ADTRP: variants seen among roughly 807,000 people sequenced by gnomAD.
ADTRP encodes the protein androgen dependent TFPI regulating protein, also known as androgen-dependent TFPI-regulating protein.
ADTRP carries 20 observed loss-of-function variants against 27.0 expected under a neutral mutation model. That is an observed-to-expected ratio of 0.74 (90% confidence interval 0.52 to 1.08). The LOEUF (loss-of-function observed/expected upper bound fraction) is 1.08, where lower values mean the gene tolerates loss of function less well. Ranked by LOEUF, ADTRP falls within the 50% of genes least tolerant of loss-of-function variation. The probability of loss-of-function intolerance (pLI) is 0.00; values close to 1 mark genes in which losing one functional copy is unlikely to be tolerated. For missense variants in ADTRP, 251 were observed against 275.0 expected, an observed-to-expected ratio of 0.91 and a Z score of 0.62; for synonymous variants, 101 against 105.2, an observed-to-expected ratio of 0.96 and a Z score of 0.25.
At chr6:11,750,216 G>A (rs1483146067) in intron 3 of ADTRP, among the ~76,000 whole-genome samples, 2 of 152,202 alleles carry the variant, frequency 1.3e-5, no homozygotes, top group Non-Finnish European at 2.9e-5. Context: ...TATACCCTGG[G>A]ACATTAGGCA....
intron 3 of ADTRP, among the ~76,000 whole-genome samples, chr6:11,764,920 AG>A (rs1763510968): frequency 6.7e-6 from 1 of 148,830 alleles, no homozygotes; most frequent in Non-Finnish European, 1.5e-5. Flanking sequence ...AAAAAAAAGC[AG>A]GAATATTCAC....
intron 5 of ADTRP, among the ~76,000 whole-genome samples, chr6:11,715,010 T>C (rs575286002): frequency 6.6e-6 from 1 of 152,334 alleles, no homozygotes; most frequent in East Asian, 1.9e-4. Flanking sequence ...GTAAGCTCAT[T>C]AGAGGGGCAT....
intron 5 of ADTRP, among the ~76,000 whole-genome samples, chr6:11,720,552 A>G (rs1392854489): frequency 6.6e-6 from 1 of 151,734 alleles, no homozygotes; most frequent in Non-Finnish European, 1.5e-5. Context: ...GCTCACTGCA[A>G]GCTCCGCCTC....
chr6:11,765,644 ATCC>A (rs1268177453), intron 3 of ADTRP, among the ~76,000 whole-genome samples: 1 of 152,088 alleles, frequency 6.6e-6, no homozygotes, highest in Non-Finnish European at 1.5e-5. Context: ...TGATTCAGTT[ATCC>A]TCCTCCAACC....
intron 3 of ADTRP, among the ~76,000 whole-genome samples, chr6:11,753,190 C>T (rs1763110293): frequency 6.6e-6 from 1 of 152,174 alleles, no homozygotes; most frequent in South Asian, 2.1e-4. Context: ...AGAAATTTTG[C>T]TCCTCCTCAC....
chr6:11,745,490 C>A (rs1044347801), intron 3 of ADTRP, among the ~76,000 whole-genome samples: 1 of 152,140 alleles, frequency 6.6e-6, no homozygotes, highest in Admixed American at 6.5e-5. Flanking sequence ...GTAGAGGAGG[C>A]TCTGAAAGTG....
Position 11,727,959 on chromosome 6 carries a change from CAGGGAGGGAGGGAGGTAGGTAGGG to C in ADTRP, c.507-4483_507-4460del, listed in dbSNP as rs1331180267. The stretch of plus-strand genomic sequence containing the variant: ...GACGGAAAGAAGGAAGGAAGGGAGG[CAGGGAGGGAGGGAGGTAGGTAGGG>C]AGGGAGGGAGGGAGGGAGGGAGGGA... On this transcript the variant is annotated intron_variant, in intron 4 of 5. Transcript: ENST00000414691. Among the ~76,000 whole-genome samples, 6 of 91,724 alleles carry C rather than the reference CAGGGAGGGAGGGAGGTAGGTAGGG, an allele frequency of 6.5e-5. No individual in the cohort carries two copies. In the Admixed American group the frequency reaches 6.5e-4, roughly 10 times the overall value. The allele number at this position is 91,724 out of a possible 152,430, so 60.2% of individuals were successfully genotyped here.
At chr6:11,748,602 T>C (rs1029640166) in intron 3 of ADTRP, among the ~76,000 whole-genome samples, 53 of 152,268 alleles carry the variant, frequency 3.5e-4, no homozygotes, top group African/African-American at 1.3e-3. Context: ...ATATGTGCTA[T>C]GAAGGAAAAC....
chr6:11,762,137 C>T lies in ADTRP; in HGVS notation c.390+4137G>A, dbSNP rs576766773. ...AGAAACTAGAAGATTTTAAGTTTTACTCCCTGGGCATTTTGACTTCCCAGC... is the reference window on the plus strand; with the variant it reads ...AGAAACTAGAAGATTTTAAGTTTTATTCCCTGGGCATTTTGACTTCCCAGC... On this transcript the variant is annotated intron_variant, in intron 3 of 5. Transcript: ENST00000414691. Among the ~76,000 whole-genome samples, 165 of 152,344 alleles carry T rather than the reference C, an allele frequency of 1.1e-3. 1 individual carries two copies. The highest frequency in any genetic ancestry group is 6.8e-3 in the Middle Eastern group (2 of 294).
At chr6:11,735,805 A>C in intron 3 of ADTRP, 122 bp from the exon 4 acceptor site, 1 of 690,932 alleles carries the variant, frequency 1.4e-6, no homozygotes, top group Non-Finnish European at 2.5e-6. Flanking sequence ...TTTCCAGGTC[A>C]TGCTCCCTAG....
At chr6:11,747,134 T>C (rs1234597066) in intron 3 of ADTRP, among the ~76,000 whole-genome samples, 2 of 152,196 alleles carry the variant, frequency 1.3e-5, no homozygotes, top group African/African-American at 2.4e-5. Flanking sequence ...GGCCAAGAAA[T>C]GTGGCTCACT....
At chr6:11,742,378 T>TA (rs1762747169) in intron 3 of ADTRP, among the ~76,000 whole-genome samples, 1 of 152,112 alleles carries the variant, frequency 6.6e-6, no homozygotes, top group Admixed American at 6.6e-5. Context: ...GACACCTTAC[T>TA]AAAAAAGCCC....
At chr6:11,775,465 G>A (rs886238293) in intron 1 of ADTRP, among the ~76,000 whole-genome samples, 2 of 151,960 alleles carry the variant, frequency 1.3e-5, no homozygotes, top group African/African-American at 4.8e-5. Context: ...TAAGCAGTGG[G>A]ACTGAGGTAC....
At chr6:11,714,623 C>A (rs746263056) in intron 5 of ADTRP, 111 bp from the exon 6 acceptor site, 98 of 1,255,214 alleles carry the variant, frequency 7.8e-5, no homozygotes, top group Non-Finnish European at 1.1e-4. Flanking sequence ...GTTGAACACA[C>A]TTTTCCCAAG....
chr6:11,743,956 G>A (rs1762791863), intron 3 of ADTRP, among the ~76,000 whole-genome samples: 1 of 152,162 alleles, frequency 6.6e-6, no homozygotes, highest in Non-Finnish European at 1.5e-5. Context: ...TTGGTGTTGG[G>A]AGTCAATACA....
At chr6:11,755,209 AC>A in intron 3 of ADTRP, 1 of 371,632 alleles carries the variant, frequency 2.7e-6, no homozygotes, top group Non-Finnish European at 3.7e-6. Flanking sequence ...AGACATCTAT[AC>A]TTTTTTGATC....
At chr6:11,746,937 T>C (rs1462703517) in intron 3 of ADTRP, among the ~76,000 whole-genome samples, 1 of 152,184 alleles carries the variant, frequency 6.6e-6, no homozygotes, top group Non-Finnish European at 1.5e-5. Context: ...AAGGTCAGCA[T>C]AGAGATGCTC....
At position 11,736,126 on chromosome 6, in the gene ADTRP, C is replaced by G. The variant is rs144887881; in HGVS notation, c.391-443G>C. 6.3e-3 allele frequency: 1,044 copies of G among 165,654 alleles called. 12 individuals carry two copies. Among genetic ancestry groups the G allele is most frequent in the South Asian group, 0.047 (314 of 6,632 alleles). The allele number at this position is 165,654 out of a possible 1,614,324, so 10.3% of individuals were successfully genotyped here. On this transcript the variant is annotated intron_variant, in intron 3 of 5. Coordinates refer to ENST00000414691, the MANE Select transcript of ADTRP (RefSeq NM_032744.4). Reference sequence around the variant, plus strand: ...TACAGGCATGTGCTACCAAGCCCGGCTAATTCCTGACCTCAAGTGATCTGC... The same window carrying G: ...TACAGGCATGTGCTACCAAGCCCGGGTAATTCCTGACCTCAAGTGATCTGC...
At chr6:11,765,547 A>T (rs1272178921) in intron 3 of ADTRP, among the ~76,000 whole-genome samples, 1 of 151,942 alleles carries the variant, frequency 6.6e-6, no homozygotes, top group East Asian at 1.9e-4. Flanking sequence ...CCTTTTTATA[A>T]TCTCCTGGTT....
Sources: allele counts gnomAD v4.1 joint callset (sites outside exome capture counted in the v4.1 genomes callset), GRCh38; gene constraint gnomAD v4.1.1; transcripts MANE v1.5; gene names NCBI Gene and HGNC (gene_info 2026-07-23, HGNC 2026-07-21).